DNAH1: variants seen among roughly 807,000 people sequenced by gnomAD.
DNAH1 encodes axonemal beta dynein heavy chain 1.
In DNAH1, 327 loss-of-function variants were observed where a neutral mutation model predicts 484.3. That is an observed-to-expected ratio of 0.68 (90% CI 0.62 to 0.74). DNAH1 has a LOEUF of 0.74. DNAH1 is among the 30% of genes least tolerant of loss of function. The probability of loss-of-function intolerance (pLI) is 0.00; values close to 1 mark genes in which losing one functional copy is unlikely to be tolerated. For synonymous variants in DNAH1, 2,192 were observed against 2,191.9 expected, an observed-to-expected ratio of 1.00 and a Z score of 0.00; for missense variants, 5,052 against 5,546.8, an observed-to-expected ratio of 0.91 and a Z score of 2.83.
intron 11 of DNAH1, 36 bp from the exon 12 acceptor site, chr3:52,347,788 G>T: frequency 6.5e-7 from 1 of 1,531,954 alleles, no homozygotes; most frequent in East Asian, 2.4e-5. Flanking sequence ...AGGCCTCCTA[G>T]GCCTCTGCCC....
chr3:52,395,797 G>A lies in DNAH1; in HGVS notation c.11259+119G>A. Reference sequence around the variant, plus strand: ...CTGCCCAGCCTCTAGCACGTGGCAAGTGCTCAGCAACTGACATGTGCCACA... The same window carrying A: ...CTGCCCAGCCTCTAGCACGTGGCAAATGCTCAGCAACTGACATGTGCCACA... On this transcript the variant is annotated intron_variant, in intron 70 of 77. Transcript: ENST00000420323. This position sits in a 1 kb window ranked among gnomAD's most constrained non-coding sequence, Gnocchi z 4.4. 3 of 1,415,272 alleles carry A rather than the reference G, an allele frequency of 2.1e-6. No homozygotes were observed. Among genetic ancestry groups the A allele is most frequent in the Non-Finnish European group, 1.9e-6 (2 of 1,044,288 alleles). 87.7% of individuals were successfully genotyped at this position (1,415,272 alleles called of 1,614,324 possible). A position where few individuals can be genotyped will look rare whatever the true frequency, so the allele number is the denominator to read the frequency against.
intron 46 of DNAH1, among the ~76,000 whole-genome samples, chr3:52,376,885 G>A (rs1314589656): frequency 1.3e-5 from 2 of 150,276 alleles, no homozygotes; most frequent in South Asian, 2.1e-4. Flanking sequence ...GTCAGCCCTT[G>A]TTCTCGCCTT....
chr3:52,376,519 C>T (rs1703610666), intron 46 of DNAH1, among the ~76,000 whole-genome samples: 1 of 152,196 alleles, frequency 6.6e-6, no homozygotes, highest in Admixed American at 6.5e-5. Context: ...CCCTGCCTTC[C>T]CTCCTGTGGC....
At chr3:52,394,403 G>T (rs1704525645) in intron 66 of DNAH1, 62 bp from the exon 67 acceptor site, 7 of 1,537,490 alleles carry the variant, frequency 4.6e-6, no homozygotes, top group Admixed American at 1.8e-5. Flanking sequence ...CTGGGTGGGG[G>T]TGCCCAGAGC....
chr3:52,397,822 C>T lies in DNAH1; in HGVS notation c.11903C>T (p.Thr3968Ile), dbSNP rs561973126. Residue 3968 changes from threonine (T) to isoleucine (I), a missense_variant, in exon 74 of 78, where the codon ACC (threonine) becomes ATC (isoleucine). By Grantham distance (89) the Thr-to-Ile change is moderately conservative (BLOSUM62 -1). Coordinates refer to ENST00000420323, the MANE Select transcript of DNAH1 (RefSeq NM_015512.5). ...AACGAGACGTTCGCCCTCCTGGGCA[C>T]CATCATCCAGCTGCAACCCAAATCA... ...AQNETFALLG[T>I]IIQLQPKSSS... The T allele has an allele frequency of 5.6e-6, 9 of 1,612,922 alleles. No individual in the cohort carries two copies. The South Asian group carries it at 9.9e-5, about 18-fold the overall frequency.
chr3:52,359,773 G>A, intron 26 of DNAH1, 143 bp from the exon 27 acceptor site: 3 of 1,113,376 alleles, frequency 2.7e-6, no homozygotes, highest in Non-Finnish European at 3.9e-6. Flanking sequence ...CCCCTGCCCG[G>A]TCCCTGCTCC....
chr3:52,371,307 A>G (rs767474608), intron 41 of DNAH1, among the ~76,000 whole-genome samples: 13 of 152,238 alleles, frequency 8.5e-5, no homozygotes, highest in Admixed American at 7.2e-4. Flanking sequence ...AGAGGTGGAA[A>G]GGCGTCTGCA....
chr3:52,392,770 GC>G, intron 64 of DNAH1, 59 bp from the exon 65 acceptor site: 4 of 1,510,850 alleles, frequency 2.6e-6, no homozygotes, highest in Non-Finnish European at 3.6e-6. Flanking sequence ...CCCTAGGCCT[GC>G]CCCCCAAACC....
At chr3:52,319,884 C>T (rs1701082690) in intron 1 of DNAH1, among the ~76,000 whole-genome samples, 1 of 152,214 alleles carries the variant, frequency 6.6e-6, no homozygotes, top group South Asian at 2.1e-4. Flanking sequence ...CACCTCGGTG[C>T]ATCCCCCCCA....
Position 52,350,043 on chromosome 3 carries a change from A to C in DNAH1, c.2581A>C (p.Ile861Leu). The C allele has an allele frequency of 6.2e-7, 1 of 1,613,318 alleles. No homozygotes were observed. The highest frequency in any genetic ancestry group is 8.5e-7 in the Non-Finnish European group (1 of 1,179,742). Residue 861 changes from isoleucine (I) to leucine (L), a missense_variant, in exon 15 of 78, where the codon ATT (isoleucine) becomes CTT (leucine). This residue lies in a region of DNAH1 where 1,263 missense variants were observed against 1,218.8 expected (regional missense o/e 1.04). Coordinates refer to ENST00000420323, the MANE Select transcript of DNAH1 (RefSeq NM_015512.5). ...CAAGATCTATGAGAAGCCCAACAGCATTGAGGAGCTGGCTGAGCTGCGAGA... is the reference window on the plus strand; with the variant it reads ...CAAGATCTATGAGAAGCCCAACAGCCTTGAGGAGCTGGCTGAGCTGCGAGA... ...SRKIYEKPNS[I>L]EELAELREWM...
chr3:52,398,934 G>C lies in DNAH1; in HGVS notation c.12174G>C (p.Gln4058His). Residue 4058 changes from glutamine (Q) to histidine (H), a missense_variant, in exon 76 of 78, where the codon CAG becomes CAC. Gln to His is a conservative substitution (Grantham distance 24). This residue lies in a region of DNAH1 where 853 missense variants were observed against 899.0 expected (regional missense o/e 0.95). Transcript: ENST00000420323. The stretch of plus-strand genomic sequence containing the variant: ...AGGGGCTGGTAGTGATGTCCTCTCA[G>C]CTGGAGCTGATGGCTGCCAGCCTGT... ...ALKGLVVMSS[Q>H]LELMAASLYN... 2.5e-6 allele frequency: 4 copies of C among 1,613,324 alleles called. No homozygotes were observed. Among genetic ancestry groups the C allele is most frequent in the South Asian group, 1.1e-5 (1 of 91,022 alleles).
At chr3:52,318,101 G>C (rs1031340620) in intron 1 of DNAH1, among the ~76,000 whole-genome samples, 2 of 152,238 alleles carry the variant, frequency 1.3e-5, no homozygotes, top group African/African-American at 4.8e-5. Context: ...GCCCAGGCTG[G>C]AGTGCAATGG....
In DNAH1 at chr3:52,395,448, C is replaced by T. The variant is rs748082759; in HGVS notation, c.11109C>T (p.Ile3703=). ...EMKFSKKLSA[I]SLGQGQGPRA... ...AGTTCTCCAAAAAGCTCTCTGCCAT[C>T]TCCCTGGGCCAGGGGCAGGTCAGGG... Residue 3703 remains isoleucine, a synonymous_variant, in exon 69 of 78, where the codon ATC becomes ATT. Transcript: ENST00000420323. This position sits in a 1 kb window ranked among gnomAD's most constrained non-coding sequence, Gnocchi z 4.4. The T allele has an allele frequency of 1.9e-6, 3 of 1,613,932 alleles. No homozygotes were observed. Among genetic ancestry groups the T allele is most frequent in the Admixed American group, 3.3e-5 (2 of 60,030 alleles).
At chr3:52,374,606 C>T in intron 44 of DNAH1, 1 of 1,497,448 alleles carries the variant, frequency 6.7e-7, no homozygotes, top group South Asian at 1.1e-5. Context: ...CTCTCTATTA[C>T]TGGAATAATG....
chr3:52,312,457 C>A (rs955347351), upstream of DNAH1, among the ~76,000 whole-genome samples: 2 of 151,428 alleles, frequency 1.3e-5, no homozygotes, highest in African/African-American at 4.9e-5. Flanking sequence ...GGCAGGAGAC[C>A]CAGTATTGCC....
chr3:52,392,775 C>G (rs1447239955), intron 64 of DNAH1, 55 bp from the exon 65 acceptor site: 19 of 1,558,408 alleles, frequency 1.2e-5, no homozygotes, highest in East Asian at 2.3e-5. Flanking sequence ...GGCCTGCCCC[C>G]CAAACCCCCT....
intron 65 of DNAH1, 60 bp downstream of exon 65, chr3:52,393,085 C>T: frequency 6.4e-7 from 1 of 1,565,286 alleles, no homozygotes; most frequent in Non-Finnish European, 8.7e-7. Flanking sequence ...GACACATTTC[C>T]ACTGTGGGGC....
Position 52,391,444 on chromosome 3 carries a change from C to T in DNAH1, c.9893C>T (p.Thr3298Met), listed in dbSNP as rs558196088. 43 of 1,609,058 alleles carry T rather than the reference C, an allele frequency of 2.7e-5. No homozygotes were observed. The highest frequency in any genetic ancestry group is 2.5e-4 in the Admixed American group (15 of 59,098). ...ACCCACCGGTCCCACCCACCACAGA[C>T]GTACAAGCAGCAGGGAAACACGGTG... ...PALEPVLLKQ[T>M]YKQQGNTVLK... The change falls in exon 63 of 78, where the codon ACG becomes ATG. Residue 3298 changes from threonine to methionine, a missense_variant and splice_region_variant. By Grantham distance (81) the Thr-to-Met change is moderately conservative. Transcript: ENST00000420323.
rs962113822 is a variant in DNAH1 at position 52,332,133 on chromosome 3, G to A, written c.1034-9G>A. On this transcript the variant is annotated splice_polypyrimidine_tract_variant and intron_variant, in intron 7 of 77. Transcript: ENST00000420323. The stretch of plus-strand genomic sequence containing the variant: ...GTGTGTCCCCTTCTCCCTCTCACCC[G>A]GCCCCCAGGAAGGCCACCCCTTCAG... 8 of 1,548,312 alleles carry A rather than the reference G, an allele frequency of 5.2e-6. No individual in the cohort carries two copies. The East Asian group carries it at 7.3e-5, about 14-fold the overall frequency.
Sources: gnomAD v4.1 joint callset for allele counts (sites outside exome capture counted in the v4.1 genomes callset) on GRCh38, gnomAD v4.1.1 for gene constraint, gnomAD v4.1.1 regional missense constraint, Gnocchi (gnomAD v3.1) non-coding constraint, MANE v1.5 for transcripts, NCBI Gene and HGNC (gene_info 2026-07-23, HGNC 2026-07-21) for gene names.